XPA: variants seen among roughly 807,000 people sequenced by gnomAD.
XPA encodes the protein XPA, DNA damage recognition and repair factor, also known as DNA repair protein complementing XP-A cells.
XPA carries 27 observed loss-of-function variants against 35.7 expected under a neutral mutation model. The ratio of observed to expected loss-of-function variants is 0.76; its 90% CI spans 0.56 to 1.04. The LOEUF (loss-of-function observed/expected upper bound fraction) is 1.04. Among genes scored for constraint, XPA ranks in the 50% least tolerant of loss-of-function variants. XPA has a pLI of 0.00. For synonymous variants in XPA, 133 were observed against 118.4 expected (o/e 1.12, Z -0.80); for missense variants, 354 against 342.7 (o/e 1.03, Z -0.26).
the XPA span, among the ~76,000 whole-genome samples, chr9:97,657,924 ATATT>A: frequency 7.8e-3 from 925 of 119,304 alleles, 3 homozygotes; most frequent in Non-Finnish European, 0.01. Context: ...ATATATATAT[ATATT>A]TTTTTTTTTT....
chr9:97,685,765 G>A (rs1478527218), intron 4 of XPA, among the ~76,000 whole-genome samples: 10 of 152,152 alleles, frequency 6.6e-5, no homozygotes, highest in South Asian at 6.2e-4. Flanking sequence ...CACGTTTTCC[G>A]CAATTTAACA....
intron 5 of XPA, among the ~76,000 whole-genome samples, chr9:97,681,559 T>C (rs1564040849): frequency 6.6e-6 from 1 of 152,200 alleles, no homozygotes; most frequent in Admixed American, 6.5e-5. Flanking sequence ...TTTTCCTTTT[T>C]TTAGAAGGGT....
At chr9:97,676,242 A>G (rs1828362188) in intron 5 of XPA, among the ~76,000 whole-genome samples, 1 of 152,228 alleles carries the variant, frequency 6.6e-6, no homozygotes, top group Admixed American at 6.5e-5. Flanking sequence ...TTATTTTGCA[A>G]GTAGGGAAAC....
At chr9:97,658,503 A>G in the XPA span, 2 of 665,670 alleles carry the variant, frequency 3.0e-6, no homozygotes, top group Non-Finnish European at 5.2e-6. Context: ...AACTCAAAGG[A>G]TTTTTTTTTC....
chr9:97,687,342 A>G lies in XPA; in HGVS notation c.390-81T>C, dbSNP rs138738945. On this transcript the variant is annotated intron_variant, in intron 3 of 5. Coordinates refer to ENST00000375128, the MANE Select transcript of XPA (RefSeq NM_000380.4). ...GCAAATAGCCCAGCAACTTAGGGGC[A>G]CACACAGCAAAAAGGACATATAAAA... is the stretch of plus-strand genomic sequence containing the variant. The G allele has an allele frequency of 2.4e-4, 294 of 1,250,654 alleles. No homozygotes were observed. The African/African-American group carries it at 4.1e-3, about 18-fold the overall frequency. 77.5% of individuals were successfully genotyped at this position (1,250,654 alleles called of 1,614,324 possible).
chr9:97,655,907 TAAC>T, the XPA span: 134 of 1,359,230 alleles, frequency 9.9e-5, no homozygotes, highest in Non-Finnish European at 1.3e-4. Flanking sequence ...AATTATAACT[TAAC>T]AAAACTTGTA....
At chr9:97,691,886 A>AATATATATATATATATAT (rs55944336) in intron 2 of XPA, among the ~76,000 whole-genome samples, 1 of 124,682 alleles carries the variant, frequency 8.0e-6, no homozygotes, top group Non-Finnish European at 1.6e-5. Context: ...TTTCTAAATA[A>AATATATATATATATATAT]ATATATATAT....
Position 97,687,236 on chromosome 9 carries a change from T to C in XPA, c.415A>G (p.Ile139Val). Residue 139 changes from isoleucine (I) to valine (V), a missense_variant, in exon 4 of 6, where the codon ATA becomes GTA. Physicochemically the swap from Ile to Val is conservative, Grantham distance 29. Transcript: ENST00000375128. ...CRDADDKHKL[I>V]TKTEAKQEYL... ...TCTTGTTTTGCCTCTGTTTTGGTTA[T>C]AAGCTTGTGTTTATCATCAGCATCT... The C allele has an allele frequency of 6.2e-7, 1 of 1,607,996 alleles. No individual in the cohort carries two copies.
In XPA at chr9:97,689,600, C is replaced by A. The variant is rs104894131; in HGVS notation, c.323G>T (p.Cys108Phe). The A allele has an allele frequency of 1.2e-6, 2 of 1,612,820 alleles. No homozygotes were observed. The highest frequency in any genetic ancestry group is 1.7e-6 in the Non-Finnish European group (2 of 1,179,050). The change falls in exon 3 of 6, where the codon TGT becomes TTT. Residue 108 changes from cysteine to phenylalanine, a missense_variant. Coordinates refer to ENST00000375128, the MANE Select transcript of XPA (RefSeq NM_000380.4). The part of the protein sequence containing the change: ...MEFDYVICEE[C>F]GKEFMDSYLM... ...ATAAGAATCCATAAATTCTTTCCCACATTCTTCGCATATTACATAATCAAA... is the reference window on the plus strand; with the variant it reads ...ATAAGAATCCATAAATTCTTTCCCAAATTCTTCGCATATTACATAATCAAA...
At chr9:97,664,194 T>C in the XPA span, 12 of 518,426 alleles carry the variant, frequency 2.3e-5, no homozygotes, top group Non-Finnish European at 4.2e-5. Flanking sequence ...AAAGACCTAA[T>C]GGTCAGATTG....
chr9:97,693,134 T>C (rs1223718837), intron 2 of XPA, among the ~76,000 whole-genome samples: 2 of 152,262 alleles, frequency 1.3e-5, no homozygotes, highest in African/African-American at 4.8e-5. Context: ...TTCTATCTTT[T>C]TCCCAAAGAG....
chr9:97,696,585 G>A (rs1367167329), intron 1 of XPA, among the ~76,000 whole-genome samples: 1 of 152,114 alleles, frequency 6.6e-6, no homozygotes, highest in Non-Finnish European at 1.5e-5. Flanking sequence ...CTCCACATAA[G>A]TAAGCGTTCT....
chr9:97,668,611 T>C, the XPA span, among the ~76,000 whole-genome samples: 7 of 152,116 alleles, frequency 4.6e-5, no homozygotes, highest in African/African-American at 1.4e-4. Context: ...CAAGTGCCAC[T>C]AAATTTCCCT....
At chr9:97,661,750 T>G in the XPA span, among the ~76,000 whole-genome samples, 1 of 144,062 alleles carries the variant, frequency 6.9e-6, no homozygotes, top group Non-Finnish European at 1.5e-5. Context: ...TTTTTTTTTT[T>G]GGTATTAATA....
downstream of XPA, chr9:97,671,379 T>C: frequency 1.8e-6 from 1 of 543,154 alleles, no homozygotes; most frequent in Non-Finnish European, 3.3e-6. Flanking sequence ...AGCAAATACT[T>C]CCTAACGGCA....
the XPA span, chr9:97,658,587 C>T: frequency 5.0e-6 from 7 of 1,386,728 alleles, no homozygotes; most frequent in Admixed American, 1.7e-5. Context: ...CGGGTGTTAC[C>T]GAAGAATGGG....
downstream of XPA, chr9:97,672,549 C>A (rs1252986678): frequency 1.3e-5 from 2 of 152,120 alleles, no homozygotes; most frequent in Non-Finnish European, 2.9e-5. Context: ...TAAATGTTTT[C>A]GTTTATACTG....
downstream of XPA, among the ~76,000 whole-genome samples, chr9:97,670,408 A>C (rs1162579628): frequency 4.6e-5 from 7 of 152,188 alleles, no homozygotes; most frequent in Admixed American, 4.6e-4. Context: ...AAATGCCGGC[A>C]CCTATTCTCA....
the XPA span, among the ~76,000 whole-genome samples, chr9:97,664,090 AAT>A: frequency 6.6e-6 from 1 of 151,890 alleles, no homozygotes; most frequent in Non-Finnish European, 1.5e-5. Flanking sequence ...GAGGCAGGAG[AAT>A]TGCTTGAACC....
Sources: allele counts gnomAD v4.1 joint callset (sites outside exome capture counted in the v4.1 genomes callset), GRCh38; gene constraint gnomAD v4.1.1; transcripts MANE v1.5; gene names NCBI Gene and HGNC (gene_info 2026-07-23, HGNC 2026-07-21).